LIPC: variants seen among roughly 807,000 people sequenced by gnomAD.
The protein encoded by LIPC is lipase C, hepatic type.
A neutral mutation model predicts 50.7 loss-of-function variants in LIPC; 44 were observed. That is an observed-to-expected ratio of 0.87 (90% CI 0.68 to 1.11). The LOEUF (loss-of-function observed/expected upper bound fraction) is 1.11, where lower values mean the gene tolerates loss of function less well. Ranked by LOEUF, LIPC falls within the 50% of genes most tolerant of loss-of-function variation. The pLI is 0.00. For synonymous variants in LIPC, 271 were observed against 256.4 expected, an observed-to-expected ratio of 1.06 and a Z score of -0.54; for missense variants, 697 against 648.2, an observed-to-expected ratio of 1.08 and a Z score of -0.82.
chr15:58,438,289 G>A (rs1173066189), intron 1 of LIPC, among the ~76,000 whole-genome samples: 2 of 152,082 alleles, frequency 1.3e-5, no homozygotes, highest in Non-Finnish European at 2.9e-5. Flanking sequence ...ATTTCATCAT[G>A]AGGGGAATGC....
intron 1 of LIPC, among the ~76,000 whole-genome samples, chr15:58,462,084 GCC>G (rs1894371895): frequency 1.3e-5 from 2 of 152,138 alleles, no homozygotes; most frequent in Non-Finnish European, 2.9e-5. Flanking sequence ...TCCAAGTGAG[GCC>G]CACCTTCCTC....
rs1442168223 is a variant in LIPC, at chr15:58,568,748, T to C, written c.1421T>C (p.Leu474Pro). 22 of 1,610,492 alleles carry C rather than the reference T, an allele frequency of 1.4e-5. No individual in the cohort carries two copies. The highest frequency in any genetic ancestry group is 1.8e-5 in the Non-Finnish European group (21 of 1,177,174). The change falls in exon 9 of 9, where the codon CTA becomes CCA. Residue 474 changes from leucine to proline, a missense_variant. Transcript: ENST00000299022. The part of the protein sequence containing the change: ...MTFCSENTDD[L>P]LLRPTQEKIF... ...TTTTGTTCAGAAAACACAGATGACC[T>C]ACTACTTCGCCCAACCCAGGAAAAA...
intron 8 of LIPC, chr15:58,565,431 G>A (rs1207361314): frequency 7.0e-7 from 1 of 1,429,944 alleles, no homozygotes; most frequent in Admixed American, 2.7e-5. Flanking sequence ...ATGTGGTACG[G>A]AAGAAGAAAT....
intron 1 of LIPC, among the ~76,000 whole-genome samples, chr15:58,455,379 C>T (rs1356659256): frequency 6.6e-6 from 1 of 152,144 alleles, no homozygotes; most frequent in Non-Finnish European, 1.5e-5. Context: ...ACACATGGTG[C>T]ACCAGATTTG....
At chr15:58,480,352 C>T (rs183661455) in intron 1 of LIPC, among the ~76,000 whole-genome samples, 14 of 152,258 alleles carry the variant, frequency 9.2e-5, no homozygotes, top group Admixed American at 3.3e-4. Flanking sequence ...TGGAGAGCAG[C>T]GGCGCAATCT....
At chr15:58,467,296 C>T (rs1894603547) in intron 1 of LIPC, among the ~76,000 whole-genome samples, 1 of 152,186 alleles carries the variant, frequency 6.6e-6, no homozygotes. Context: ...GCATGTCTCT[C>T]AGGGGCTTCC....
chr15:58,472,677 T>C (rs960926717), intron 1 of LIPC, among the ~76,000 whole-genome samples: 1 of 151,734 alleles, frequency 6.6e-6, no homozygotes. Context: ...ATAAAACAAA[T>C]TGTATAAATT....
intron 6 of LIPC, among the ~76,000 whole-genome samples, chr15:58,549,632 G>A (rs1395948579): frequency 6.6e-6 from 1 of 152,218 alleles, no homozygotes; most frequent in African/African-American, 2.4e-5. Context: ...CAAACTCCCA[G>A]GCAGCTTATT....
intron 1 of LIPC, among the ~76,000 whole-genome samples, chr15:58,523,654 C>T (rs957018890): frequency 8.6e-5 from 13 of 151,984 alleles, no homozygotes; most frequent in Non-Finnish European, 1.5e-4. Flanking sequence ...CACAGAGGCT[C>T]ACGCCTATAA....
At chr15:58,563,123 T>C (rs1894223327) in intron 7 of LIPC, among the ~76,000 whole-genome samples, 1 of 152,194 alleles carries the variant, frequency 6.6e-6, no homozygotes, top group Non-Finnish European at 1.5e-5. Context: ...GAGTGCATGC[T>C]GCAGGCATAC....
intron 2 of LIPC, 125 bp downstream of exon 2, chr15:58,538,642 A>T: frequency 1.1e-6 from 1 of 938,678 alleles, no homozygotes; most frequent in South Asian, 1.4e-5. Flanking sequence ...ATGTTTATGA[A>T]GCACGTTCTA....
chr15:58,487,237 A>T (rs1891410396), intron 1 of LIPC, among the ~76,000 whole-genome samples: 1 of 152,200 alleles, frequency 6.6e-6, no homozygotes, highest in Non-Finnish European at 1.5e-5. Flanking sequence ...CTTCATAACT[A>T]AATGATCTTA....
At chr15:58,537,053 G>A (rs1893146211) in intron 1 of LIPC, among the ~76,000 whole-genome samples, 1 of 152,238 alleles carries the variant, frequency 6.6e-6, no homozygotes, top group South Asian at 2.1e-4. Flanking sequence ...AAAGGTCAGA[G>A]CGGCCTTGTG....
chr15:58,500,765 C>A (rs1432108062), intron 1 of LIPC, among the ~76,000 whole-genome samples: 3 of 148,432 alleles, frequency 2.0e-5, no homozygotes, highest in Non-Finnish European at 4.5e-5. Flanking sequence ...CCACCACCCC[C>A]CTTCTCATCC....
intron 1 of LIPC, among the ~76,000 whole-genome samples, chr15:58,467,222 C>T (rs1159561205): frequency 1.3e-5 from 2 of 152,200 alleles, no homozygotes; most frequent in South Asian, 2.1e-4. Flanking sequence ...CTGAAATGGA[C>T]TTCCGTGATC....
In LIPC at chr15:58,569,038, C is replaced by A; in HGVS notation, c.*211C>A. The A allele has an allele frequency of 2.5e-6, 1 of 402,938 alleles. No individual in the cohort carries two copies. Among genetic ancestry groups the A allele is most frequent in the Non-Finnish European group, 4.4e-6 (1 of 226,786 alleles). 25.0% of individuals were successfully genotyped at this position (402,938 alleles called of 1,614,324 possible). A position where few individuals can be genotyped will look rare whatever the true frequency, so the allele number is the denominator to read the frequency against. ...CCAGTATCAGTACAACCAAAAATGT[C>A]CCAATTTTATCTCTGGTTAAATGTT... On this transcript the variant is annotated 3_prime_UTR_variant, in exon 9 of 9. Transcript: ENST00000299022.
chr15:58,563,980 G>C lies in LIPC; in HGVS notation c.1388+257G>C, dbSNP rs1375467555. 9.9e-6 allele frequency: 5 copies of C among 505,896 alleles called. No individual in the cohort carries two copies. In the East Asian group the frequency reaches 1.5e-4, roughly 15 times the overall value. 31.3% of individuals were successfully genotyped at this position (505,896 alleles called of 1,614,324 possible). Reference sequence around the variant, plus strand: ...CCGTGGCTAACGCTGCCTGCCTCTGGAGCCTGAGGACCATCACACGAACCC... The same window carrying C: ...CCGTGGCTAACGCTGCCTGCCTCTGCAGCCTGAGGACCATCACACGAACCC... On this transcript the variant is annotated intron_variant, in intron 8 of 8. Transcript: ENST00000299022.
chr15:58,475,985 C>T (rs183706154), intron 1 of LIPC, among the ~76,000 whole-genome samples: 1 of 152,350 alleles, frequency 6.6e-6, no homozygotes, highest in Non-Finnish European at 1.5e-5. Context: ...CACACGTTAG[C>T]AAGAAAAGTG....
intron 1 of LIPC, among the ~76,000 whole-genome samples, chr15:58,479,278 C>G (rs1394139360): frequency 1.3e-5 from 2 of 152,184 alleles, no homozygotes; most frequent in African/African-American, 4.8e-5. Context: ...GTGACACTGT[C>G]GAAAACTGTA....
Sources: gnomAD v4.1 joint callset for allele counts (sites outside exome capture counted in the v4.1 genomes callset) on GRCh38, gnomAD v4.1.1 for gene constraint, MANE v1.5 for transcripts, NCBI Gene and HGNC (gene_info 2026-07-23, HGNC 2026-07-21) for gene names.